Variants in ZNF860 observed in about 807,000 individuals in gnomAD.
The protein encoded by ZNF860 is zinc finger protein 860.
For synonymous variants in ZNF860, 206 were observed against 248.9 expected (o/e 0.83, Z 1.62); for missense variants, 641 against 759.2 (o/e 0.84, Z 1.83).
the ZNF860 span, among the ~76,000 whole-genome samples, chr3:32,001,765 A>AC: frequency 6.6e-6 from 1 of 152,062 alleles, no homozygotes; most frequent in African/African-American, 2.4e-5. Flanking sequence ...GCCAATGGCA[A>AC]GTCAGTGAAA....
chr3:31,994,795 C>A (rs1337191636), downstream of ZNF860, among the ~76,000 whole-genome samples: 1 of 152,148 alleles, frequency 6.6e-6, no homozygotes, highest in Non-Finnish European at 1.5e-5. Context: ...GGCCATAAAA[C>A]AAATACCCCA....
Position 31,988,899 on chromosome 3 carries a change from A to G in ZNF860, c.-181A>G, listed in dbSNP as rs1257882159. On this transcript the variant is annotated 5_prime_UTR_variant, in exon 2 of 2. Transcript: ENST00000360311. The stretch of plus-strand genomic sequence containing the variant: ...AACCCAGAGAGACACTGAGCCAGGA[A>G]CACCCAGCTGAAGTGCCTCCAAACC... 2.8e-6 allele frequency: 2 copies of G among 716,000 alleles called. No homozygotes were observed. Among genetic ancestry groups the G allele is most frequent in the East Asian group, 5.4e-5 (2 of 36,956 alleles). 44.4% of individuals were successfully genotyped at this position (716,000 alleles called of 1,614,324 possible). A position where few individuals can be genotyped will look rare whatever the true frequency, so the allele number is the denominator to read the frequency against.
chr3:31,985,427 C>T (rs1698920888), intron 1 of ZNF860, among the ~76,000 whole-genome samples: 1 of 152,108 alleles, frequency 6.6e-6, no homozygotes, highest in Admixed American at 6.5e-5. Context: ...ATGATTGGAG[C>T]AATAAGATAA....
chr3:31,983,524 G>A lies in ZNF860; in HGVS notation c.-421+1622G>A, dbSNP rs139786532. Among the ~76,000 whole-genome samples, 30 of 152,306 alleles carry A rather than the reference G, an allele frequency of 2.0e-4. No homozygotes were observed. In the East Asian group the frequency reaches 5.6e-3, roughly 28 times the overall value. ...AAAGGAATAGTCAAGGCCAGGATGG[G>A]GCAGGAGCAAGCCAGCCGTATGGGA... On this transcript the variant is annotated intron_variant, in intron 1 of 1. Transcript: ENST00000360311.
chr3:31,989,318 G>C lies in ZNF860; in HGVS notation c.239G>C (p.Gly80Ala), dbSNP rs1259846835. 6.2e-7 allele frequency: 1 copy of C among 1,614,182 alleles called. No homozygotes were observed. The highest frequency in any genetic ancestry group is 8.5e-7 in the Non-Finnish European group (1 of 1,180,042). Residue 80 changes from glycine (G) to alanine (A), a missense_variant, in exon 2 of 2, where the codon GGC becomes GCC. Gly to Ala is a moderately conservative substitution (Grantham distance 60). Coordinates refer to ENST00000360311, the MANE Select transcript of ZNF860 (RefSeq NM_001137674.3). ...MMKKFSSTAQ[G>A]NTEVDTGTLE... The stretch of plus-strand genomic sequence containing the variant: ...AAGAAGTTCTCATCAACAGCGCAAG[G>C]CAATACAGAAGTGGACACAGGGACA...
the ZNF860 span, among the ~76,000 whole-genome samples, chr3:31,998,940 A>T: frequency 6.6e-6 from 1 of 152,256 alleles, no homozygotes; most frequent in East Asian, 1.9e-4. Flanking sequence ...GTATAAGTGG[A>T]TATTTAAAAT....
At chr3:31,987,655 C>A (rs141387959) in intron 1 of ZNF860, among the ~76,000 whole-genome samples, 205 of 152,312 alleles carry the variant, frequency 1.3e-3, no homozygotes, top group African/African-American at 4.7e-3. Context: ...AGCAGGCCAG[C>A]CCAGGCTTGT....
At chr3:31,988,131 T>A (rs1698962657) in intron 1 of ZNF860, among the ~76,000 whole-genome samples, 1 of 152,202 alleles carries the variant, frequency 6.6e-6, no homozygotes, top group Non-Finnish European at 1.5e-5. Flanking sequence ...ACCTCCTGTT[T>A]CCGCCTCTTT....
chr3:31,989,213 AG>A lies in ZNF860; in HGVS notation c.135del (p.Arg46GlyfsTer7). 1 of 1,614,178 alleles carries A rather than the reference AG, an allele frequency of 6.2e-7. No homozygotes were observed. The highest frequency in any genetic ancestry group is 1.1e-5 in the South Asian group (1 of 91,076). ...GAGTGGAAATGCCTGGACCCTACGC[AG>A]AGGGCTTTATACAGGGCCATGATGT... Reference protein sequence around the residue: ...LEEWKCLDPTQRALYRAMMLE... With the variant: ...LEEWKCLDPTXRALYRAMMLE... On this transcript the variant is annotated frameshift_variant, in exon 2 of 2. Transcript: ENST00000360311. LOFTEE classifies it low-confidence loss of function (END_TRUNC).
In ZNF860 at chr3:31,988,713, A is replaced by G. The variant is rs942503203; in HGVS notation, c.-367A>G. ...ATAAGGATACTCAGGCCACCAATGG[A>G]TAGCCCAGGCAGGAGGCATGAAGGT... On this transcript the variant is annotated 5_prime_UTR_variant, in exon 2 of 2. Coordinates refer to ENST00000360311, the MANE Select transcript of ZNF860 (RefSeq NM_001137674.3). 2 of 251,444 alleles carry G rather than the reference A, an allele frequency of 8.0e-6. No individual in the cohort carries two copies. The highest frequency in any genetic ancestry group is 1.5e-5 in the Non-Finnish European group (2 of 130,464). The allele number at this position is 251,444 out of a possible 1,614,324, so 15.6% of individuals were successfully genotyped here.
the ZNF860 span, among the ~76,000 whole-genome samples, chr3:31,998,487 C>A: frequency 6.6e-6 from 1 of 152,204 alleles, no homozygotes; most frequent in East Asian, 1.9e-4. Context: ...GGGAACTTCA[C>A]AACTACTGTA....
chr3:31,994,866 C>T (rs144012257), downstream of ZNF860, among the ~76,000 whole-genome samples: 254 of 152,186 alleles, frequency 1.7e-3, no homozygotes, highest in African/African-American at 5.9e-3. Context: ...CCCTAAGTGT[C>T]GGCTGGTCTG....
In ZNF860 at chr3:31,989,374, G is replaced by C; in HGVS notation, c.295G>C (p.Asp99His). 6.2e-7 allele frequency: 1 copy of C among 1,614,172 alleles called. No individual in the cohort carries two copies. The highest frequency in any genetic ancestry group is 1.1e-5 in the South Asian group (1 of 91,070). The change falls in exon 2 of 2, where the codon GAT (aspartate) becomes CAT (histidine). Residue 99 changes from aspartate (D) to histidine (H), a missense_variant. By Grantham distance (81) the Asp-to-His change is moderately conservative (BLOSUM62 -1). Coordinates refer to ENST00000360311, the MANE Select transcript of ZNF860 (RefSeq NM_001137674.3). ...LERHESHHIG[D>H]FCFQKIGKDI... is the part of the protein sequence containing the mutation. ...AAGACATGAAAGTCATCACATTGGA[G>C]ATTTTTGCTTCCAGAAAATTGGGAA... is the stretch of plus-strand genomic sequence containing the variant.
At chr3:31,983,410 T>C (rs1698888037) in intron 1 of ZNF860, among the ~76,000 whole-genome samples, 1 of 152,182 alleles carries the variant, frequency 6.6e-6, no homozygotes, top group Non-Finnish European at 1.5e-5. Flanking sequence ...AACCTAAGAC[T>C]GAATGAGCTA....
chr3:31,998,055 AG>A, the ZNF860 span, among the ~76,000 whole-genome samples: 1 of 152,094 alleles, frequency 6.6e-6, no homozygotes, highest in Non-Finnish European at 1.5e-5. Flanking sequence ...GGCCTCCTGA[AG>A]TGCCACAGGT....
the ZNF860 span, among the ~76,000 whole-genome samples, chr3:32,003,619 A>G: frequency 6.6e-6 from 1 of 152,224 alleles, no homozygotes; most frequent in Non-Finnish European, 1.5e-5. Context: ...GAGGGAACAG[A>G]CTGCACAGTG....
At chr3:31,996,604 T>C (rs1008895652), downstream of ZNF860, among the ~76,000 whole-genome samples, 4 of 152,190 alleles carry the variant, frequency 2.6e-5, no homozygotes, top group Non-Finnish European at 5.9e-5. Flanking sequence ...AAATCTCTAA[T>C]ACATCTCTGT....
intron 1 of ZNF860, among the ~76,000 whole-genome samples, chr3:31,984,412 G>A (rs1304570015): frequency 6.6e-6 from 1 of 151,918 alleles, no homozygotes; most frequent in African/African-American, 2.4e-5. Flanking sequence ...TGATAGATTG[G>A]GTGAGGGATG....
rs756757326 is a variant in ZNF860 at position 31,990,855 on chromosome 3, A to G, written c.1776A>G (p.Lys592=). ...AAAGGAGAATTCATATGGGAGAGAA[A>G]CATCACAAGTGTGATGATTGTGGCA... ...AKQRRIHMGE[K]HHKCDDCGKA... Residue 592 remains lysine (K), a synonymous_variant, in exon 2 of 2, where the codon AAA becomes AAG. Coordinates refer to ENST00000360311, the MANE Select transcript of ZNF860 (RefSeq NM_001137674.3). 1 of 1,581,882 alleles carries G rather than the reference A, an allele frequency of 6.3e-7. No individual in the cohort carries two copies. Among genetic ancestry groups the G allele is most frequent in the Non-Finnish European group, 8.6e-7 (1 of 1,162,730 alleles).
Sources: allele counts gnomAD v4.1 joint callset (sites outside exome capture counted in the v4.1 genomes callset), GRCh38; gene constraint gnomAD v4.1.1; transcripts MANE v1.5; gene names NCBI Gene and HGNC (gene_info 2026-07-23, HGNC 2026-07-21).